Variants in CFAP299 observed in about 807,000 individuals in gnomAD.
CFAP299 encodes the protein cilia- and flagella-associated protein 299.
A neutral mutation model predicts 27.0 loss-of-function variants in CFAP299; 21 were observed. The ratio of observed to expected loss-of-function variants is 0.78; its 90% CI spans 0.55 to 1.12. The LOEUF (loss-of-function observed/expected upper bound fraction) is 1.12, where lower values mean the gene tolerates loss of function less well. CFAP299 is among the 50% of genes most tolerant of loss of function. CFAP299 has a pLI of 0.00. For synonymous variants in CFAP299, 104 were observed against 98.1 expected (o/e 1.06, Z -0.36); for missense variants, 310 against 276.6 (o/e 1.12, Z -0.86).
At chr4:80,447,118 T>TG (rs1339778540) in intron 2 of CFAP299, among the ~76,000 whole-genome samples, 5 of 111,902 alleles carry the variant, frequency 4.5e-5, no homozygotes, top group Non-Finnish European at 9.2e-5. Context: ...GCTTTTTATT[T>TG]GTTTTTTTTT....
chr4:80,950,614 G>A (rs1447809493), intron 5 of CFAP299, among the ~76,000 whole-genome samples: 1 of 152,142 alleles, frequency 6.6e-6, no homozygotes, highest in Non-Finnish European at 1.5e-5. Context: ...GGAGCACGAA[G>A]GCATGGGAGC....
intron 2 of CFAP299, among the ~76,000 whole-genome samples, chr4:80,580,415 G>A (rs1736104481): frequency 6.6e-6 from 1 of 151,874 alleles, no homozygotes; most frequent in African/African-American, 2.4e-5. Flanking sequence ...AATATTAGGA[G>A]GCAAAAGCAA....
At chr4:80,799,333 ATATT>A (rs1361180212) in intron 3 of CFAP299, among the ~76,000 whole-genome samples, 13 of 96,052 alleles carry the variant, frequency 1.4e-4, no homozygotes, top group East Asian at 1.1e-3. Flanking sequence ...TATTTATATA[ATATT>A]TATATATATA....
At chr4:80,377,641 A>G (rs1724483815) in intron 2 of CFAP299, among the ~76,000 whole-genome samples, 1 of 152,092 alleles carries the variant, frequency 6.6e-6, no homozygotes, top group Non-Finnish European at 1.5e-5. Context: ...GTTGATTCCT[A>G]CAAATAAGCC....
chr4:80,537,670 T>A (rs765330710), intron 2 of CFAP299, among the ~76,000 whole-genome samples: 1 of 152,076 alleles, frequency 6.6e-6, no homozygotes, highest in Non-Finnish European at 1.5e-5. Flanking sequence ...TGGTGGTTGC[T>A]GGACACTGAG....
At chr4:80,600,716 A>G (rs1737297526) in intron 3 of CFAP299, among the ~76,000 whole-genome samples, 1 of 152,146 alleles carries the variant, frequency 6.6e-6, no homozygotes, top group Non-Finnish European at 1.5e-5. Context: ...TTTCATGGGA[A>G]TAAACAACTC....
At chr4:80,388,118 T>A in intron 2 of CFAP299, 2 of 682,490 alleles carry the variant, frequency 2.9e-6, no homozygotes, top group Non-Finnish European at 5.4e-6. Flanking sequence ...CCCACCAGGA[T>A]TGGGATGCCC....
intron 2 of CFAP299, among the ~76,000 whole-genome samples, chr4:80,398,565 A>C (rs1295056836): frequency 3.9e-5 from 6 of 152,218 alleles, no homozygotes. Context: ...TCTTTGACAA[A>C]CTTGACAAAA....
chr4:80,808,202 ACTG>A (rs1323806468), intron 3 of CFAP299, among the ~76,000 whole-genome samples: 1 of 152,138 alleles, frequency 6.6e-6, no homozygotes, highest in Non-Finnish European at 1.5e-5. Flanking sequence ...AGTTAATTTG[ACTG>A]CTAATTTCTA....
chr4:80,399,233 A>C (rs1235873438), intron 2 of CFAP299, among the ~76,000 whole-genome samples: 1 of 152,224 alleles, frequency 6.6e-6, no homozygotes, highest in Non-Finnish European at 1.5e-5. Context: ...ACACTTTTGC[A>C]CTGTTGGTGG....
Position 80,873,985 on chromosome 4 carries a change from G to T in CFAP299, c.476+3850G>T, listed in dbSNP as rs1733244296. Among the ~76,000 whole-genome samples, 5 of 152,094 alleles carry T rather than the reference G, an allele frequency of 3.3e-5. 1 individual carries two copies. In the South Asian group the frequency reaches 1.0e-3, roughly 31 times the overall value. ...AATTTCCCTTGAAGTCCCATTGTCTGTTTTATTAAAATGTTTAACGTTCCA... is the reference window on the plus strand; with the variant it reads ...AATTTCCCTTGAAGTCCCATTGTCTTTTTTATTAAAATGTTTAACGTTCCA... On this transcript the variant is annotated intron_variant, in intron 4 of 5. Coordinates refer to ENST00000358105, the MANE Select transcript of CFAP299 (RefSeq NM_152770.3).
At chr4:80,855,704 A>G (rs988543848) in intron 3 of CFAP299, among the ~76,000 whole-genome samples, 17 of 152,182 alleles carry the variant, frequency 1.1e-4, no homozygotes, top group East Asian at 7.7e-4. Context: ...ATGATTTCCA[A>G]TTTCATCTAT....
chr4:80,595,255 TC>T (rs1560645637), intron 3 of CFAP299, among the ~76,000 whole-genome samples: 1 of 152,016 alleles, frequency 6.6e-6, no homozygotes, highest in Non-Finnish European at 1.5e-5. Context: ...TGCAGCCTCC[TC>T]CCTCCCAAAG....
At chr4:80,506,372 G>A (rs1042265949) in intron 2 of CFAP299, among the ~76,000 whole-genome samples, 4 of 152,098 alleles carry the variant, frequency 2.6e-5, no homozygotes, top group African/African-American at 9.7e-5. Context: ...TTGCGTGCAT[G>A]CAAAGATTAT....
chr4:80,470,017 T>A (rs919770955), intron 2 of CFAP299, among the ~76,000 whole-genome samples: 1 of 152,152 alleles, frequency 6.6e-6, no homozygotes, highest in Non-Finnish European at 1.5e-5. Flanking sequence ...AGTCTCCATT[T>A]GCGCTGAAGG....
chr4:80,361,277 C>A (rs1723533301), intron 1 of CFAP299, among the ~76,000 whole-genome samples: 1 of 152,122 alleles, frequency 6.6e-6, no homozygotes, highest in African/African-American at 2.4e-5. Flanking sequence ...ACTCAGTATT[C>A]AAAATAAATA....
chr4:80,739,933 A>C (rs1724156247), intron 3 of CFAP299, among the ~76,000 whole-genome samples: 1 of 152,038 alleles, frequency 6.6e-6, no homozygotes, highest in South Asian at 2.1e-4. Context: ...TGCTTATTCA[A>C]TTCTATTAAA....
At chr4:80,615,769 A>T (rs1738240739) in intron 3 of CFAP299, among the ~76,000 whole-genome samples, 1 of 152,108 alleles carries the variant, frequency 6.6e-6, no homozygotes, top group South Asian at 2.1e-4. Context: ...TCTAAATAGG[A>T]TCCTTCCCTA....
intron 3 of CFAP299, among the ~76,000 whole-genome samples, chr4:80,726,103 T>TC: frequency 6.6e-6 from 1 of 152,310 alleles, no homozygotes; most frequent in Middle Eastern, 3.4e-3. Context: ...TGGATTTCTT[T>TC]CCCCTTCACT....
Sources: gnomAD v4.1 joint callset for allele counts (sites outside exome capture counted in the v4.1 genomes callset) on GRCh38, gnomAD v4.1.1 for gene constraint, MANE v1.5 for transcripts, NCBI Gene and HGNC (gene_info 2026-07-23, HGNC 2026-07-21) for gene names.